Variants in ZNF821 observed in about 807,000 individuals in gnomAD.
ZNF821 encodes the protein zinc finger protein 821.
In ZNF821, 16 loss-of-function variants were observed where a neutral mutation model predicts 44.3. The observed-to-expected ratio is 0.36, with a 90% confidence interval of 0.24 to 0.55. The LOEUF (loss-of-function observed/expected upper bound fraction) is 0.55. ZNF821 is among the 20% of genes least tolerant of loss of function. ZNF821 has a pLI of 0.86. For synonymous variants in ZNF821, 204 were observed against 197.6 expected (o/e 1.03, Z -0.27); for missense variants, 436 against 547.6 (o/e 0.80, Z 2.03).
At chr16:71,891,676 C>G (rs1053571961) in intron 1 of ZNF821, among the ~76,000 whole-genome samples, 7 of 152,176 alleles carry the variant, frequency 4.6e-5, no homozygotes, top group Non-Finnish European at 1.0e-4. Flanking sequence ...GAGTTCGAAA[C>G]CAGCCTGGCC....
intron 3 of ZNF821, among the ~76,000 whole-genome samples, chr16:71,872,600 G>A (rs1002416050): frequency 2.0e-5 from 3 of 151,996 alleles, no homozygotes; most frequent in Non-Finnish European, 4.4e-5. Context: ...GCGACAGAGC[G>A]AGACTCCGTC....
upstream of ZNF821, among the ~76,000 whole-genome samples, chr16:71,889,105 C>G (rs1186275031): frequency 2.0e-5 from 3 of 151,964 alleles, no homozygotes; most frequent in African/African-American, 7.3e-5. Flanking sequence ...AAAAATTAGC[C>G]AGGCATGGTG....
intron 4 of ZNF821, among the ~76,000 whole-genome samples, chr16:71,867,634 T>C (rs1403322518): frequency 6.6e-6 from 1 of 151,464 alleles, no homozygotes; most frequent in Admixed American, 6.6e-5. Flanking sequence ...TGCAGTGAGC[T>C]GAGATCATGC....
intron 3 of ZNF821, among the ~76,000 whole-genome samples, chr16:71,871,573 AGTGTTACAG>A (rs2035198185): frequency 6.6e-6 from 1 of 152,204 alleles, no homozygotes; most frequent in Admixed American, 6.5e-5. Flanking sequence ...GTGATTAAGA[AGTGTTACAG>A]AACTGCCTAT....
At chr16:71,863,401 CTT>C (rs372197045) in intron 6 of ZNF821, among the ~76,000 whole-genome samples, 25 of 108,580 alleles carry the variant, frequency 2.3e-4, no homozygotes, top group Admixed American at 1.4e-3. Flanking sequence ...AGCAGAATCT[CTT>C]TTTTTTTTTT....
intron 1 of ZNF821, among the ~76,000 whole-genome samples, chr16:71,892,484 G>T (rs1247990564): frequency 6.6e-6 from 1 of 151,142 alleles, no homozygotes; most frequent in East Asian, 2.0e-4. Context: ...TAGCCAGGAT[G>T]GTCTCTATCT....
chr16:71,866,124 G>A (rs2034513473), intron 4 of ZNF821, among the ~76,000 whole-genome samples: 1 of 152,112 alleles, frequency 6.6e-6, no homozygotes, highest in Admixed American at 6.6e-5. Context: ...CTGGACTTCT[G>A]GGCCTGATGT....
chr16:71,863,550 C>A (rs1049421635), intron 6 of ZNF821, among the ~76,000 whole-genome samples: 1 of 151,788 alleles, frequency 6.6e-6, no homozygotes, highest in African/African-American at 2.4e-5. Flanking sequence ...CCATGCCCAA[C>A]TAATTTAAAA....
intron 1 of ZNF821, chr16:71,894,542 G>A (rs2036926703): frequency 3.6e-6 from 1 of 277,268 alleles, no homozygotes; most frequent in Non-Finnish European, 6.9e-6. Flanking sequence ...CACCGCACCC[G>A]GCCCTTTTTC....
chr16:71,868,742 T>A (rs2034835262), intron 3 of ZNF821, among the ~76,000 whole-genome samples: 2 of 151,010 alleles, frequency 1.3e-5, no homozygotes, highest in South Asian at 4.2e-4. Context: ...GTCTTCTTGG[T>A]CCAGTTTTTT....
upstream of ZNF821, among the ~76,000 whole-genome samples, chr16:71,886,013 G>C (rs180773470): frequency 6.6e-6 from 1 of 152,310 alleles, no homozygotes; most frequent in East Asian, 1.9e-4. Flanking sequence ...AGCTGACTTA[G>C]TTGACATTTT....
At chr16:71,872,876 T>C (rs978015873) in intron 3 of ZNF821, among the ~76,000 whole-genome samples, 1 of 152,232 alleles carries the variant, frequency 6.6e-6, no homozygotes, top group African/African-American at 2.4e-5. Context: ...AGTTGAAAGT[T>C]TTAAGTCACT....
intron 3 of ZNF821, among the ~76,000 whole-genome samples, chr16:71,879,686 A>T (rs2036220560): frequency 6.6e-6 from 1 of 152,098 alleles, no homozygotes; most frequent in African/African-American, 2.4e-5. Context: ...TAGGTTTCCA[A>T]CACCTCCCCC....
chr16:71,866,362 G>C (rs755466897), intron 4 of ZNF821, among the ~76,000 whole-genome samples: 4 of 152,126 alleles, frequency 2.6e-5, no homozygotes, highest in Non-Finnish European at 4.4e-5. Context: ...GTCCTTATTA[G>C]ATAAATACTC....
At chr16:71,882,352 T>C (rs1447251805) in intron 2 of ZNF821, 1 of 149,288 alleles carries the variant, frequency 6.7e-6, no homozygotes, top group South Asian at 2.3e-4. Context: ...GCTAAATATA[T>C]ATATACTCTA....
In ZNF821 at chr16:71,860,379, C is replaced by CGCTCCT; in HGVS notation, c.872_877dup (p.Glu292_Arg293insGlnGlu). 6.2e-7 allele frequency: 1 copy of CGCTCCT among 1,611,984 alleles called. No individual in the cohort carries two copies. The highest frequency in any genetic ancestry group is 8.5e-7 in the Non-Finnish European group (1 of 1,180,020). ...ACGGTCCCTCATGCGCCTCACCTCCCGCTCCTCGGGGGTCTCATTGTCCCG... is the reference window on the plus strand; with the variant it reads ...ACGGTCCCTCATGCGCCTCACCTCCCGCTCCTGCTCCTCGGGGGTCTCATTGTCCCG... On this transcript the variant is annotated inframe_insertion, in exon 8 of 8. Coordinates refer to ENST00000425432, the MANE Select transcript of ZNF821 (RefSeq NM_001201552.2). The surrounding 1 kb of genome is among the most constrained non-coding windows in gnomAD (Gnocchi z 7.3).
Position 71,879,918 on chromosome 16 carries a change from T to C in ZNF821, c.29A>G (p.Asn10Ser). 2 of 1,613,784 alleles carry C rather than the reference T, an allele frequency of 1.2e-6. No individual in the cohort carries two copies. The highest frequency in any genetic ancestry group is 1.7e-6 in the Non-Finnish European group (2 of 1,179,852). ...AGCCCGATACTCACAGTGAACTTTA[T>C]TTGGATTTGTCTGTTTCCGACGGGA... MSRRKQTNP[N>S]KVHWDQVFAG... is the part of the protein sequence containing the mutation. The change falls in exon 3 of 8, where the codon AAT becomes AGT. Residue 10 changes from asparagine (N) to serine (S), a missense_variant. Physicochemically the swap from Asn to Ser is conservative, Grantham distance 46. This residue lies in a region of ZNF821 where 238 missense variants were observed against 281.4 expected (regional missense o/e 0.85). Coordinates refer to ENST00000425432, the MANE Select transcript of ZNF821 (RefSeq NM_001201552.2).
rs2033654160 is a variant in ZNF821 at position 71,860,067 on chromosome 16, A to G, written c.1190T>C (p.Leu397Pro). ...PVSGVELDSQ[L>P]LGKMAFEEQN... ...CTCTTCAAAGGCCATCTTGCCCAGA[A>G]GCTGGCTGTCCAACTCCACCCCACT... Residue 397 changes from leucine to proline, a missense_variant, in exon 8 of 8, where the codon CTT (leucine) becomes CCT (proline). Transcript: ENST00000425432. The surrounding 1 kb of genome is among the most constrained non-coding windows in gnomAD (Gnocchi z 7.3). The G allele has an allele frequency of 6.2e-7, 1 of 1,613,876 alleles. No individual in the cohort carries two copies. The highest frequency in any genetic ancestry group is 1.3e-5 in the African/African-American group (1 of 74,956).
exon 1 of ZNF821, chr16:71,895,007 G>GA: frequency 5.0e-6 from 3 of 594,664 alleles, no homozygotes; most frequent in Non-Finnish European, 8.8e-6. Context: ...AAAGCGGGGC[G>GA]GGGGAACGCT....
Sources: gnomAD v4.1 joint callset for allele counts (sites outside exome capture counted in the v4.1 genomes callset) on GRCh38, gnomAD v4.1.1 for gene constraint, gnomAD v4.1.1 regional missense constraint, Gnocchi (gnomAD v3.1) non-coding constraint, MANE v1.5 for transcripts, NCBI Gene and HGNC (gene_info 2026-07-23, HGNC 2026-07-21) for gene names.